The following DPP10 variants were observed in gnomAD, a reference collection of about 807,000 sequenced individuals.
DPP10 encodes the protein inactive dipeptidyl peptidase 10.
A neutral mutation model predicts 120.9 loss-of-function variants in DPP10; 33 were observed. That is an observed-to-expected ratio of 0.27 (90% CI 0.21 to 0.37). The LOEUF (loss-of-function observed/expected upper bound fraction) is 0.37, where lower values mean the gene tolerates loss of function less well. Among genes scored for constraint, DPP10 ranks in the 10% least tolerant of loss-of-function variants. The pLI, the probability that DPP10 is intolerant of heterozygous loss-of-function variation, is 1.00. For synonymous variants in DPP10, 337 were observed against 326.1 expected, an observed-to-expected ratio of 1.03 and a Z score of -0.36; for missense variants, 816 against 942.8, an observed-to-expected ratio of 0.87 and a Z score of 1.76.
At chr2:114,655,029 G>A (rs1259636676) in intron 1 of DPP10, among the ~76,000 whole-genome samples, 1 of 152,120 alleles carries the variant, frequency 6.6e-6, no homozygotes, top group Non-Finnish European at 1.5e-5. Flanking sequence ...AGATAAGTTA[G>A]TTAATATTCC....
chr2:115,736,978 A>G (rs1395674133), intron 8 of DPP10, among the ~76,000 whole-genome samples: 1 of 152,164 alleles, frequency 6.6e-6, no homozygotes, highest in African/African-American at 2.4e-5. Context: ...CCTGAAACTA[A>G]GTCTCCTACC....
intron 5 of DPP10, among the ~76,000 whole-genome samples, chr2:115,622,766 G>A (rs1041370761): frequency 8.0e-5 from 12 of 150,864 alleles, no homozygotes; most frequent in African/African-American, 2.9e-4. Flanking sequence ...ATGATAATAG[G>A]CACTTCTGAT....
chr2:114,819,202 CTTT>C (rs775159249), intron 1 of DPP10, among the ~76,000 whole-genome samples: 2 of 138,996 alleles, frequency 1.4e-5, no homozygotes, highest in South Asian at 4.6e-4. Flanking sequence ...ACTTACTAAG[CTTT>C]TTTTTTTTTT....
At chr2:115,129,565 T>C (rs150124923) in intron 1 of DPP10, among the ~76,000 whole-genome samples, 1 of 152,326 alleles carries the variant, frequency 6.6e-6, no homozygotes, top group Non-Finnish European at 1.5e-5. Flanking sequence ...TTAATGAATA[T>C]ATCACTTATT....
At chr2:115,821,004 A>G (rs1022013537) in intron 21 of DPP10, among the ~76,000 whole-genome samples, 2 of 152,232 alleles carry the variant, frequency 1.3e-5, no homozygotes, top group Non-Finnish European at 2.9e-5. Context: ...TGCTAGATCA[A>G]ATGGTAGTTC....
intron 3 of DPP10, among the ~76,000 whole-genome samples, chr2:115,470,756 G>T (rs2105171180): frequency 6.6e-6 from 1 of 152,052 alleles, no homozygotes; most frequent in Non-Finnish European, 1.5e-5. Context: ...TTCTCCCCCA[G>T]TCTCAGTGAG....
chr2:115,561,238 A>G (rs1558851805), intron 5 of DPP10, among the ~76,000 whole-genome samples: 1 of 151,872 alleles, frequency 6.6e-6, no homozygotes, highest in Non-Finnish European at 1.5e-5. Context: ...ACGCACCTGT[A>G]ATCCCAGCTA....
chr2:115,558,000 T>G (rs140040684), intron 5 of DPP10, among the ~76,000 whole-genome samples: 107 of 152,350 alleles, frequency 7.0e-4, no homozygotes, highest in African/African-American at 2.4e-3. Context: ...CTCTGGGAAC[T>G]TGGACAAGTC....
intron 5 of DPP10, among the ~76,000 whole-genome samples, chr2:115,580,721 C>A (rs1001231620): frequency 2.0e-5 from 3 of 152,128 alleles, no homozygotes. Flanking sequence ...TTTAGTGAAT[C>A]CTTCCTTTTC....
intron 7 of DPP10, among the ~76,000 whole-genome samples, chr2:115,723,642 G>A (rs1031347507): frequency 2.8e-5 from 4 of 140,412 alleles, no homozygotes; most frequent in African/African-American, 2.6e-5. Flanking sequence ...TTTTTTACAC[G>A]GCTAGGTCCC....
chr2:115,346,178 C>T (rs898020718), intron 3 of DPP10, among the ~76,000 whole-genome samples: 1 of 152,178 alleles, frequency 6.6e-6, no homozygotes, highest in Non-Finnish European at 1.5e-5. Context: ...TTACGTATTC[C>T]TCACATAGCC....
chr2:115,828,083 A>G (rs771460990), intron 21 of DPP10, among the ~76,000 whole-genome samples: 2 of 152,028 alleles, frequency 1.3e-5, no homozygotes, highest in African/African-American at 4.8e-5. Flanking sequence ...TGCAAGTAGT[A>G]TATTCTTCCA....
At chr2:114,681,962 A>C (rs1216067543) in intron 1 of DPP10, among the ~76,000 whole-genome samples, 1 of 152,016 alleles carries the variant, frequency 6.6e-6, no homozygotes, top group Admixed American at 6.6e-5. Context: ...AACTTAGCAA[A>C]TGGCTGGCCT....
intron 1 of DPP10, among the ~76,000 whole-genome samples, chr2:115,159,187 G>T (rs1342225944): frequency 6.6e-6 from 1 of 152,122 alleles, no homozygotes; most frequent in African/African-American, 2.4e-5. Flanking sequence ...GGCATGGCAT[G>T]GTGGCTCATG....
chr2:115,354,970 T>A (rs1301427579), intron 3 of DPP10, among the ~76,000 whole-genome samples: 1 of 152,228 alleles, frequency 6.6e-6, no homozygotes, highest in East Asian at 1.9e-4. Context: ...TTGAGGTTGG[T>A]TCCATGACTT....
chr2:114,532,815 A>G (rs1351690821), intron 1 of DPP10, among the ~76,000 whole-genome samples: 1 of 152,162 alleles, frequency 6.6e-6, no homozygotes, highest in Non-Finnish European at 1.5e-5. Context: ...AGTCTCCTCT[A>G]GGCATGTCAG....
intron 7 of DPP10, among the ~76,000 whole-genome samples, chr2:115,709,234 A>T (rs142050914): frequency 5.8e-4 from 89 of 152,174 alleles, no homozygotes; most frequent in African/African-American, 1.7e-3. Context: ...TCTGATAGGA[A>T]ATCCGACTGT....
At chr2:115,280,957 G>GA (rs2060133403) in intron 1 of DPP10, among the ~76,000 whole-genome samples, 1 of 152,134 alleles carries the variant, frequency 6.6e-6, no homozygotes, top group African/African-American at 2.4e-5. Flanking sequence ...CTTAAAAAGT[G>GA]AAAAGGTTAA....
At chr2:114,568,480 T>C (rs1335693205) in intron 1 of DPP10, among the ~76,000 whole-genome samples, 1 of 152,180 alleles carries the variant, frequency 6.6e-6, no homozygotes. Flanking sequence ...ACAAATATCA[T>C]TGAGTTCTGT....
Sources: allele counts gnomAD v4.1 joint callset (sites outside exome capture counted in the v4.1 genomes callset), GRCh38; gene constraint gnomAD v4.1.1; transcripts MANE v1.5; gene names NCBI Gene and HGNC (gene_info 2026-07-23, HGNC 2026-07-21).